Variants in PLCB4 observed in about 807,000 individuals in gnomAD.
PLCB4 encodes phospholipase C beta 4, also known as 1-phosphatidylinositol 4,5-bisphosphate phosphodiesterase beta-4.
In PLCB4, 77 loss-of-function variants were observed where a neutral mutation model predicts 178.8. The ratio of observed to expected loss-of-function variants is 0.43; its 90% CI spans 0.36 to 0.52. PLCB4 has a LOEUF of 0.52. Ranked by LOEUF, PLCB4 falls within the 20% of genes least tolerant of loss-of-function variation. The probability of loss-of-function intolerance (pLI) is 0.00; values close to 1 mark genes in which losing one functional copy is unlikely to be tolerated. For missense variants in PLCB4, 1,024 were observed against 1,453.4 expected, an observed-to-expected ratio of 0.70 and a Z score of 4.80; for synonymous variants, 496 against 490.8, an observed-to-expected ratio of 1.01 and a Z score of -0.14.
chr20:9,356,556 A>G (rs935860618), intron 7 of PLCB4, among the ~76,000 whole-genome samples: 2 of 152,216 alleles, frequency 1.3e-5, no homozygotes, highest in Non-Finnish European at 2.9e-5. Context: ...AAGGAATTCT[A>G]TCTTAGACAA....
chr20:9,164,782 T>C (rs1019345184), intron 2 of PLCB4, among the ~76,000 whole-genome samples: 1 of 152,130 alleles, frequency 6.6e-6, no homozygotes, highest in African/African-American at 2.4e-5. Context: ...AACTGTCTTT[T>C]CAATATAAAT....
At chr20:9,449,633 C>T (rs1197462754) in intron 32 of PLCB4, among the ~76,000 whole-genome samples, 1 of 152,210 alleles carries the variant, frequency 6.6e-6, no homozygotes, top group East Asian at 1.9e-4. Flanking sequence ...CTAAAAACTA[C>T]ATCTGCAGGC....
intron 4 of PLCB4, among the ~76,000 whole-genome samples, chr20:9,328,590 C>T (rs1271058201): frequency 1.3e-5 from 2 of 152,160 alleles, no homozygotes; most frequent in Non-Finnish European, 2.9e-5. Flanking sequence ...GACTGCTGAG[C>T]AGTTACCTGA....
chr20:9,168,873 C>G (rs1386253771), intron 2 of PLCB4, among the ~76,000 whole-genome samples: 1 of 151,430 alleles, frequency 6.6e-6, no homozygotes, highest in African/African-American at 2.4e-5. Context: ...CCACAGCAGT[C>G]TTTTCCAGGA....
intron 4 of PLCB4, among the ~76,000 whole-genome samples, chr20:9,329,420 T>G (rs1471121527): frequency 6.6e-6 from 1 of 152,102 alleles, no homozygotes; most frequent in Non-Finnish European, 1.5e-5. Flanking sequence ...GGATAATAAG[T>G]TAATGTAGAG....
chr20:9,098,501 C>T (rs1386944056), intron 2 of PLCB4, among the ~76,000 whole-genome samples: 1 of 151,824 alleles, frequency 6.6e-6, no homozygotes, highest in Non-Finnish European at 1.5e-5. Context: ...GTTAGGAGCA[C>T]ATTCTGGAAA....
intron 2 of PLCB4, among the ~76,000 whole-genome samples, chr20:9,200,894 T>C (rs887174416): frequency 1.3e-5 from 2 of 152,070 alleles, no homozygotes; most frequent in African/African-American, 4.8e-5. Flanking sequence ...CAATAAATAT[T>C]TGTTGAATGA....
intron 17 of PLCB4, among the ~76,000 whole-genome samples, chr20:9,393,344 G>T (rs952974831): frequency 1.3e-5 from 2 of 152,184 alleles, no homozygotes; most frequent in South Asian, 2.1e-4. Flanking sequence ...CCACTGGGGA[G>T]GTTGGAGCAG....
intron 25 of PLCB4, among the ~76,000 whole-genome samples, chr20:9,411,679 T>A: frequency 6.6e-6 from 1 of 151,364 alleles, no homozygotes; most frequent in African/African-American, 2.4e-5. Flanking sequence ...ACAGAAACAC[T>A]GAAAGGTTAA....
chr20:9,193,321 A>T (rs2093429227), intron 2 of PLCB4, among the ~76,000 whole-genome samples: 1 of 152,214 alleles, frequency 6.6e-6, no homozygotes, highest in Admixed American at 6.5e-5. Flanking sequence ...ATGTGCAACT[A>T]GGGCCTAATC....
intron 19 of PLCB4, among the ~76,000 whole-genome samples, chr20:9,396,842 C>A (rs1158344971): frequency 6.6e-6 from 1 of 152,100 alleles, no homozygotes; most frequent in Non-Finnish European, 1.5e-5. Context: ...TTAAAAAATA[C>A]CTATTGCTTA....
chr20:9,254,574 T>G (rs913031555), intron 3 of PLCB4, among the ~76,000 whole-genome samples: 4 of 152,138 alleles, frequency 2.6e-5, no homozygotes, highest in African/African-American at 9.7e-5. Context: ...GTTGCATGCC[T>G]GTAATCCCAG....
chr20:9,220,201 G>C (rs1188393509), intron 3 of PLCB4, among the ~76,000 whole-genome samples: 1 of 152,180 alleles, frequency 6.6e-6, no homozygotes, highest in Non-Finnish European at 1.5e-5. Context: ...ATCAAAAACT[G>C]CTTTCAAGTT....
rs565073475 is a variant in PLCB4, at chr20:9,079,328, G to A, written c.-135+10122G>A. On this transcript the variant is annotated intron_variant, in intron 1 of 39. Transcript: ENST00000378473. ...TGGGCAGGTGTAGGGAATACAATCAGGGTGAATGCTAAAGAAAGACCCAGC... is the reference window on the plus strand; with the variant it reads ...TGGGCAGGTGTAGGGAATACAATCAAGGTGAATGCTAAAGAAAGACCCAGC... Among the ~76,000 whole-genome samples, 33 of 152,232 alleles carry A rather than the reference G, an allele frequency of 2.2e-4. 1 individual carries two copies. In the Middle Eastern group the frequency reaches 0.01, roughly 47 times the overall value.
chr20:9,151,187 G>A (rs1406704678), intron 2 of PLCB4, among the ~76,000 whole-genome samples: 2 of 152,142 alleles, frequency 1.3e-5, no homozygotes, highest in African/African-American at 4.8e-5. Context: ...CATTTACATT[G>A]TATTGGGTAT....
intron 25 of PLCB4, among the ~76,000 whole-genome samples, chr20:9,417,550 A>G (rs2040338224): frequency 6.6e-6 from 1 of 152,144 alleles, no homozygotes; most frequent in Admixed American, 6.5e-5. Flanking sequence ...TTTATTGCTG[A>G]ATAATTTTCC....
At chr20:9,312,392 A>ACACACACG (rs2094846604) in intron 4 of PLCB4, among the ~76,000 whole-genome samples, 1 of 145,314 alleles carries the variant, frequency 6.9e-6, no homozygotes, top group African/African-American at 2.6e-5. Flanking sequence ...ACACACACAC[A>ACACACACG]CACACGCACG....
intron 28 of PLCB4, among the ~76,000 whole-genome samples, chr20:9,430,109 G>T (rs551647368): frequency 6.6e-6 from 1 of 152,010 alleles, no homozygotes; most frequent in East Asian, 1.9e-4. Context: ...AATAAAAAAA[G>T]TTTGTGCATA....
In PLCB4 at chr20:9,479,108, C is replaced by A; in HGVS notation, c.*99C>A. The stretch of plus-strand genomic sequence containing the variant: ...TTATTTTGTTTCCTTTATGTGTAAA[C>A]AAGATGATATCTGAAACCAGAGAGA... On this transcript the variant is annotated 3_prime_UTR_variant, in exon 40 of 40. Transcript: ENST00000378473. 1.2e-6 allele frequency: 1 copy of A among 805,488 alleles called. No homozygotes were observed. Among genetic ancestry groups the A allele is most frequent in the Non-Finnish European group, 2.1e-6 (1 of 473,514 alleles). The allele number at this position is 805,488 out of a possible 1,614,324, so 49.9% of individuals were successfully genotyped here.
Sources: gnomAD v4.1 joint callset for allele counts (sites outside exome capture counted in the v4.1 genomes callset) on GRCh38, gnomAD v4.1.1 for gene constraint, MANE v1.5 for transcripts, NCBI Gene and HGNC (gene_info 2026-07-23, HGNC 2026-07-21) for gene names.